Variants in KNL1 observed in about 807,000 individuals in gnomAD.
KNL1 encodes outer kinetochore KNL1 complex subunit KNL1.
Under a neutral mutation model 201.3 loss-of-function variants are expected in KNL1, and 66 were observed. The observed-to-expected ratio is 0.33, with a 90% CI of 0.27 to 0.40. The LOEUF is 0.40. Ranked by LOEUF, KNL1 falls within the 10% of genes least tolerant of loss-of-function variation. The pLI is 1.00. For missense variants in KNL1, 2,815 were observed against 2,690.5 expected, an observed-to-expected ratio of 1.05 and a Z score of -1.02; for synonymous variants, 895 against 899.2, an observed-to-expected ratio of 1.00 and a Z score of 0.08.
intron 1 of KNL1, among the ~76,000 whole-genome samples, chr15:40,601,841 A>G (rs1891802676): frequency 6.9e-6 from 1 of 145,838 alleles, no homozygotes; most frequent in African/African-American, 2.5e-5. Flanking sequence ...AAAAAAAAAA[A>G]ATTCCTTAAA....
At position 40,628,698 on chromosome 15, in the gene KNL1, C is replaced by CT. The variant is rs140960825; in HGVS notation, c.5583+28dup. The CT allele has an allele frequency of 5.5e-5, 81 of 1,474,830 alleles. No individual in the cohort carries two copies. Among genetic ancestry groups the CT allele is most frequent in the Admixed American group, 3.6e-4 (19 of 52,636 alleles). 91.4% of individuals were successfully genotyped at this position (1,474,830 alleles called of 1,614,324 possible). A position where few individuals can be genotyped will look rare whatever the true frequency, so the allele number is the denominator to read the frequency against. ...AGGGAGGTATGTTAAAATTCTTTTTCTTTTTTTTATTTATAAAGAAAAGAG... is the reference window on the plus strand; with the variant it reads ...AGGGAGGTATGTTAAAATTCTTTTTCTTTTTTTTTATTTATAAAGAAAAGAG... On this transcript the variant is annotated intron_variant, in intron 12 of 25. Transcript: ENST00000399668.
Position 40,619,006 on chromosome 15 carries a change from A to G in KNL1, c.370A>G (p.Lys124Glu). 1 of 1,599,952 alleles carries G rather than the reference A, an allele frequency of 6.3e-7. No homozygotes were observed. Among genetic ancestry groups the G allele is most frequent in the Non-Finnish European group, 8.6e-7 (1 of 1,167,930 alleles). Residue 124 changes from lysine (K) to glutamate (E), a missense_variant, in exon 9 of 26, where the codon AAG becomes GAG. Physicochemically the swap from Lys to Glu is moderately conservative, Grantham distance 56. Coordinates refer to ENST00000399668, the MANE Select transcript of KNL1 (RefSeq NM_144508.5). ...TCCCATTCATACCCAGATGCAACAG[A>G]AGGAGGTATGAGTTCATGCAAATAC... is the stretch of plus-strand genomic sequence containing the variant. ...SAPIHTQMQQKEFSIIEHTRE... is the reference protein window; with the variant it reads ...SAPIHTQMQQEEFSIIEHTRE...
At chr15:40,614,508 C>G (rs920850431) in intron 7 of KNL1, among the ~76,000 whole-genome samples, 1 of 152,136 alleles carries the variant, frequency 6.6e-6, no homozygotes, top group Non-Finnish European at 1.5e-5. Flanking sequence ...GATGGGATTA[C>G]AGACGTGAGC....
rs533933463 is a variant in KNL1, at chr15:40,623,898, G to A, written c.3634G>A (p.Ala1212Thr). 1.4e-4 allele frequency: 227 copies of A among 1,613,256 alleles called. 3 individuals carry two copies. Among genetic ancestry groups the A allele is most frequent in the Middle Eastern group, 1.2e-3 (7 of 6,062 alleles). The part of the protein sequence containing the change: ...PKDNSCVQEI[A>T]EKQALAVGNK... ...GGATAATAGCTGTGTTCAAGAAATC[G>A]CTGAAAAACAAGCACTGGCTGTAGG... Residue 1212 changes from alanine (A) to threonine (T), a missense_variant, in exon 10 of 26, where the codon GCT becomes ACT. Transcript: ENST00000399668.
At chr15:40,652,211 G>A (rs181431267) in intron 21 of KNL1, 106 bp downstream of exon 21, 1 of 580,654 alleles carries the variant, frequency 1.7e-6, no homozygotes, top group East Asian at 2.9e-5. Context: ...GGCATGATGA[G>A]AGCACTGCTG....
rs548041121 is a variant in KNL1, at chr15:40,638,478, C to T, written c.5683-2434C>T. ...GCATGAGCCACTGTGCCCAGGTCTG[C>T]CATTTCTTTTTCTTTTCTTTCTTTT... On this transcript the variant is annotated intron_variant, in intron 13 of 25. Transcript: ENST00000399668. 2.0e-5 allele frequency among the ~76,000 whole-genome samples: 3 copies of T among 152,050 alleles called. No individual in the cohort carries two copies. The East Asian group carries it at 5.8e-4, about 29-fold the overall frequency.
At chr15:40,606,858 C>T (rs1324301492) in intron 4 of KNL1, among the ~76,000 whole-genome samples, 1 of 152,198 alleles carries the variant, frequency 6.6e-6, no homozygotes, top group Admixed American at 6.6e-5. Context: ...CCCCTGGGCT[C>T]AAGAGATCCT....
At position 40,645,010 on chromosome 15, in the gene KNL1, G is replaced by T; in HGVS notation, c.5812G>T (p.Ala1938Ser). ...RQKIEELKLS[A>S]SNQDKLLVDI... ...TCCGTATTTTAGATTAAAGCTTTCT[G>T]CATCGAACCAAGATAAGCTGTTGGT... The change falls in exon 15 of 26, where the codon GCA (alanine) becomes TCA (serine). Residue 1938 changes from alanine (A) to serine (S), a missense_variant. By Grantham distance (99) the Ala-to-Ser change is moderately conservative. Coordinates refer to ENST00000399668, the MANE Select transcript of KNL1 (RefSeq NM_144508.5). 1 of 1,610,182 alleles carries T rather than the reference G, an allele frequency of 6.2e-7. No individual in the cohort carries two copies.
intron 4 of KNL1, 85 bp from the exon 5 acceptor site, chr15:40,608,760 AAG>A: frequency 3.4e-6 from 3 of 894,808 alleles, no homozygotes; most frequent in Non-Finnish European, 5.0e-6. Context: ...AAAAAAAAAA[AAG>A]GACTTGATCT....
chr15:40,601,603 G>A (rs1410329900), intron 1 of KNL1, among the ~76,000 whole-genome samples: 1 of 151,896 alleles, frequency 6.6e-6, no homozygotes, highest in Non-Finnish European at 1.5e-5. Flanking sequence ...AGGCCGAGGC[G>A]GGTGGATCAT....
At position 40,662,230 on chromosome 15, in the gene KNL1, G is replaced by A. The variant is rs770182089; in HGVS notation, c.*42G>A. The A allele has an allele frequency of 8.8e-7, 1 of 1,140,826 alleles. No homozygotes were observed. Among genetic ancestry groups the A allele is most frequent in the East Asian group, 2.4e-5 (1 of 42,366 alleles). The allele number at this position is 1,140,826 out of a possible 1,614,324, so 70.7% of individuals were successfully genotyped here. A position where few individuals can be genotyped will look rare whatever the true frequency, so the allele number is the denominator to read the frequency against. On this transcript the variant is annotated 3_prime_UTR_variant, in exon 26 of 26. Transcript: ENST00000399668. ...TGGAACAACCAAGCAGAATGTACTT[G>A]ATATTATTTCAGGGTCCCATTGCTG...
chr15:40,622,562 G>C lies in KNL1; in HGVS notation c.2298G>C (p.Lys766Asn). The change falls in exon 10 of 26, where the codon AAG becomes AAC. Residue 766 changes from lysine (K) to asparagine (N), a missense_variant. Transcript: ENST00000399668. ...AAGAGCAAAATATGGATCTAACAAA[G>C]AGCCACACTGTCGTCATTGGATTTG... ...SEEEQNMDLT[K>N]SHTVVIGFGP... The C allele has an allele frequency of 6.2e-7, 1 of 1,613,560 alleles. No homozygotes were observed. The highest frequency in any genetic ancestry group is 1.1e-5 in the South Asian group (1 of 91,016).
rs184023103 is a variant in KNL1, at chr15:40,664,121, T to C, written c.*1933T>C. 1 of 184,162 alleles carries C rather than the reference T, an allele frequency of 5.4e-6. No individual in the cohort carries two copies. Among genetic ancestry groups the C allele is most frequent in the Non-Finnish European group, 1.2e-5 (1 of 86,666 alleles). The allele number at this position is 184,162 out of a possible 1,614,324, so 11.4% of individuals were successfully genotyped here. On this transcript the variant is annotated 3_prime_UTR_variant, in exon 26 of 26. Coordinates refer to ENST00000399668, the MANE Select transcript of KNL1 (RefSeq NM_144508.5). ...AAAAGTAGAGATTTTGTTTTACGCA[T>C]TTTAGTAACCTGCAACAACCAACTC...
In KNL1 at chr15:40,651,603, T is replaced by C. The variant is rs780141864; in HGVS notation, c.6314+31T>C. The C allele has an allele frequency of 2.7e-6, 4 of 1,461,048 alleles. No individual in the cohort carries two copies. The African/African-American group carries it at 5.6e-5, about 21-fold the overall frequency. The allele number at this position is 1,461,048 out of a possible 1,614,324, so 90.5% of individuals were successfully genotyped here. On this transcript the variant is annotated intron_variant, in intron 20 of 25. Transcript: ENST00000399668. ...GAAATGCAGGCATCATTTGTTTGTG[T>C]TTTATTCTGTACCTTGTGGTTGTTT...
At chr15:40,657,763 A>G (rs563098037) in intron 24 of KNL1, among the ~76,000 whole-genome samples, 16 of 152,290 alleles carry the variant, frequency 1.1e-4, no homozygotes, top group Admixed American at 3.9e-4. Context: ...GACACTAGTC[A>G]TAGTGGATTA....
At chr15:40,654,712 A>T (rs2141763234) in intron 21 of KNL1, among the ~76,000 whole-genome samples, 197 bp from the exon 22 acceptor site, 1 of 152,068 alleles carries the variant, frequency 6.6e-6, no homozygotes, top group South Asian at 2.1e-4. Context: ...TACTAAAAGT[A>T]CAAAAAATTA....
rs11855334 is a variant in KNL1, at chr15:40,622,574, C to T, written c.2310C>T (p.Val770=). 0.4 allele frequency: 637,971 copies of T among 1,611,804 alleles called. 128,619 individuals carry two copies. The highest frequency in any genetic ancestry group is 0.49 in the South Asian group (44,577 of 90,868). ...TGGATCTAACAAAGAGCCACACTGT[C>T]GTCATTGGATTTGGTCCTTCTGAAC... The part of the protein sequence containing the change: ...QNMDLTKSHT[V]VIGFGPSELQ... Residue 770 remains valine (V), a synonymous_variant, in exon 10 of 26, where the codon GTC becomes GTT. Transcript: ENST00000399668.
In KNL1 at chr15:40,646,991, A is replaced by C. The variant is rs1402747105; in HGVS notation, c.6011A>C (p.Glu2004Ala). The change falls in exon 17 of 26, where the codon GAG becomes GCG. Residue 2004 changes from glutamate to alanine, a missense_variant. Physicochemically the swap from Glu to Ala is moderately radical, Grantham distance 107 (BLOSUM62 -1). Around this residue, in one of 3 missense-constraint regions of KNL1, gnomAD observed 334 missense variants for 362.6 expected, o/e 0.92. Coordinates refer to ENST00000399668, the MANE Select transcript of KNL1 (RefSeq NM_144508.5). Reference protein sequence around the residue: ...YGKLVQSAQNEREKLQIKIDE... With the variant: ...YGKLVQSAQNAREKLQIKIDE... Reference sequence around the variant, plus strand: ...TCTATAATCTTTTGTATTTAGAATGAGAGGGAGAAACTTCAAATAAAGATA... The same window carrying C: ...TCTATAATCTTTTGTATTTAGAATGCGAGGGAGAAACTTCAAATAAAGATA... The C allele has an allele frequency of 1.5e-6, 2 of 1,358,690 alleles. No homozygotes were observed. The highest frequency in any genetic ancestry group is 2.3e-5 in the South Asian group (2 of 85,698). The allele number at this position is 1,358,690 out of a possible 1,614,324, so 84.2% of individuals were successfully genotyped here. A position where few individuals can be genotyped will look rare whatever the true frequency, so the allele number is the denominator to read the frequency against.
intron 7 of KNL1, 104 bp from the exon 8 acceptor site, chr15:40,615,237 C>G: frequency 2.6e-6 from 1 of 378,170 alleles, no homozygotes; most frequent in South Asian, 2.6e-5. Context: ...TTCTGCTAGT[C>G]ATTCTATGAA....
Sources: allele counts gnomAD v4.1 joint callset (sites outside exome capture counted in the v4.1 genomes callset), GRCh38; gene constraint gnomAD v4.1.1; regional missense constraint gnomAD v4.1.1; transcripts MANE v1.5; gene names NCBI Gene and HGNC (gene_info 2026-07-23, HGNC 2026-07-21).